Variants in HBEGF observed in about 807,000 individuals in gnomAD.
The protein encoded by HBEGF is heparin binding EGF like growth factor.
A neutral mutation model predicts 19.5 loss-of-function variants in HBEGF; 8 were observed. The ratio of observed to expected loss-of-function variants is 0.41; its 90% CI spans 0.24 to 0.74. HBEGF has a LOEUF of 0.74. Among genes scored for constraint, HBEGF ranks in the 30% least tolerant of loss-of-function variants. HBEGF has a pLI of 0.32. For missense variants in HBEGF, 207 were observed against 256.9 expected, an observed-to-expected ratio of 0.81 and a Z score of 1.33; for synonymous variants, 97 against 108.9, an observed-to-expected ratio of 0.89 and a Z score of 0.68.
Position 140,342,774 on chromosome 5 carries a change from T to C in HBEGF, c.259A>G (p.Asn87Asp), listed in dbSNP as rs975066096. 2 of 1,614,188 alleles carry C rather than the reference T, an allele frequency of 1.2e-6. No individual in the cohort carries two copies. Among genetic ancestry groups the C allele is most frequent in the Non-Finnish European group, 1.7e-6 (2 of 1,180,028 alleles). The change falls in exon 3 of 6, where the codon AAC becomes GAC. Residue 87 changes from asparagine to aspartate, a missense_variant. By Grantham distance (23) the Asn-to-Asp change is conservative. Around this residue, in one of 3 missense-constraint regions of HBEGF, gnomAD observed 127 missense variants for 132.7 expected, o/e 0.96. Coordinates refer to ENST00000230990, the MANE Select transcript of HBEGF (RefSeq NM_001945.3). ...TTTCTTTTCCCGTGCTCCTCCTTGT[T>C]TGGTGTGGCCAGTGCTTGTGGCTTG... ...SSKPQALATPNKEEHGKRKKK... is the reference protein window; with the variant it reads ...SSKPQALATPDKEEHGKRKKK...
At chr5:140,342,894 T>A in intron 2 of HBEGF, 82 bp from the exon 3 acceptor site, 1 of 1,405,158 alleles carries the variant, frequency 7.1e-7, no homozygotes, top group Non-Finnish European at 1.0e-6. Context: ...GGAGTATATA[T>A]GCTTTGATTC....
intron 3 of HBEGF, among the ~76,000 whole-genome samples, chr5:140,339,172 G>A (rs910243991): frequency 6.6e-6 from 1 of 152,128 alleles, no homozygotes; most frequent in Non-Finnish European, 1.5e-5. Flanking sequence ...TGAGGAATGG[G>A]GCACCCAAGT....
At chr5:140,336,573 G>A (rs892727740) in intron 3 of HBEGF, among the ~76,000 whole-genome samples, 3 of 152,186 alleles carry the variant, frequency 2.0e-5, no homozygotes, top group African/African-American at 2.4e-5. Flanking sequence ...GCCAGGAGTC[G>A]TTTTTCTCAA....
chr5:140,338,139 T>C (rs1206612375), intron 3 of HBEGF, among the ~76,000 whole-genome samples: 1 of 152,224 alleles, frequency 6.6e-6, no homozygotes, highest in Non-Finnish European at 1.5e-5. Flanking sequence ...AGGAAGCATA[T>C]CTGATAGGCT....
intron 4 of HBEGF, 99 bp from the exon 5 acceptor site, chr5:140,334,847 T>C: frequency 1.0e-6 from 1 of 991,192 alleles, no homozygotes. Context: ...TGGTTTCCTC[T>C]ACTACTTGGA....
rs111437230 is a variant in HBEGF at position 140,335,833 on chromosome 5, G to A, written c.554+39C>T. The stretch of plus-strand genomic sequence containing the variant: ...GCCCAGGAGGAGGAAGAAAGGGAGT[G>A]ATTTGCAGAAACAGCCTGCAGGGGA... On this transcript the variant is annotated intron_variant, in intron 4 of 5. Transcript: ENST00000230990. The A allele has an allele frequency of 3.5e-5, 56 of 1,605,580 alleles. No individual in the cohort carries two copies. In the African/African-American group the frequency reaches 3.7e-4, roughly 11 times the overall value.
intron 3 of HBEGF, among the ~76,000 whole-genome samples, chr5:140,338,528 T>C (rs1019041324): frequency 1.3e-5 from 2 of 152,184 alleles, no homozygotes; most frequent in South Asian, 2.1e-4. Context: ...AGGTAGTTAC[T>C]CAGAAGATAG....
chr5:140,339,200 A>G (rs1450951528), intron 3 of HBEGF, among the ~76,000 whole-genome samples: 1 of 152,154 alleles, frequency 6.6e-6, no homozygotes, highest in Non-Finnish European at 1.5e-5. Flanking sequence ...AGACAAGAGA[A>G]GCGGGATCAC....
rs138811385 is a variant in HBEGF at position 140,334,652 on chromosome 5, C to T, written c.*18+6G>A. On this transcript the variant is annotated splice_donor_region_variant and intron_variant, in intron 5 of 5. Coordinates refer to ENST00000230990, the MANE Select transcript of HBEGF (RefSeq NM_001945.3). Reference sequence around the variant, plus strand: ...TCATGTCATGGGGCAAAGGATGGAGCGTTACCTTGAGCACAAGTCTCTCTC... The same window carrying T: ...TCATGTCATGGGGCAAAGGATGGAGTGTTACCTTGAGCACAAGTCTCTCTC... 122 of 1,572,688 alleles carry T rather than the reference C, an allele frequency of 7.8e-5. 1 individual carries two copies. The African/African-American group carries it at 1.0e-3, about 13-fold the overall frequency.
rs1377610614 is a variant in HBEGF, at chr5:140,333,090, C to T, written c.*1209G>A. ...AGCTCCAATGTTCCCTGTTCCTTCT[C>T]AGCCTTTTGCTTTGCTAATACCTTC... On this transcript the variant is annotated 3_prime_UTR_variant, in exon 6 of 6. Coordinates refer to ENST00000230990, the MANE Select transcript of HBEGF (RefSeq NM_001945.3). 4 of 152,694 alleles carry T rather than the reference C, an allele frequency of 2.6e-5. No homozygotes were observed. Among genetic ancestry groups the T allele is most frequent in the Non-Finnish European group, 5.9e-5 (4 of 68,062 alleles). The allele number at this position is 152,694 out of a possible 1,614,324, so 9.5% of individuals were successfully genotyped here.
intron 2 of HBEGF, among the ~76,000 whole-genome samples, chr5:140,344,339 C>T (rs550567289): frequency 6.6e-6 from 1 of 152,258 alleles, no homozygotes; most frequent in African/African-American, 2.4e-5. Context: ...CATGAATGGG[C>T]TCTGAAGTCC....
intron 5 of HBEGF, 110 bp downstream of exon 5, chr5:140,334,548 A>T (rs1279716279): frequency 2.3e-5 from 18 of 772,646 alleles, no homozygotes; most frequent in Non-Finnish European, 4.2e-5. Context: ...TATTAATGTC[A>T]CAGTAGCCTG....
intron 4 of HBEGF, 115 bp downstream of exon 4, chr5:140,335,757 G>T: frequency 8.9e-7 from 1 of 1,125,598 alleles, no homozygotes. Flanking sequence ...CCCGGAGCTA[G>T]CCCATGATTT....
chr5:140,334,992 A>G, intron 4 of HBEGF: 1 of 566,442 alleles, frequency 1.8e-6, no homozygotes, highest in East Asian at 3.0e-5. Context: ...CATCCTTATG[A>G]GGTAGATGGA....
chr5:140,344,635 T>A (rs1037293685), intron 2 of HBEGF, among the ~76,000 whole-genome samples: 1 of 151,942 alleles, frequency 6.6e-6, no homozygotes, highest in African/African-American at 2.4e-5. Context: ...GCCCCCACAG[T>A]CTTTCATTTC....
chr5:140,335,575 G>A (rs1054087161), intron 4 of HBEGF, among the ~76,000 whole-genome samples: 3 of 152,022 alleles, frequency 2.0e-5, no homozygotes, highest in African/African-American at 7.3e-5. Flanking sequence ...GAACAGCCAG[G>A]AGAAAGAAAT....
chr5:140,341,681 G>A (rs1391893594), intron 3 of HBEGF, among the ~76,000 whole-genome samples: 2 of 152,214 alleles, frequency 1.3e-5, no homozygotes, highest in African/African-American at 4.8e-5. Context: ...ACAGGCTGGA[G>A]GCAGTGTGCA....
chr5:140,336,017 C>G lies in HBEGF; in HGVS notation c.409G>C (p.Gly137Arg). The change falls in exon 4 of 6, where the codon GGT becomes CGT. Residue 137 changes from glycine (G) to arginine (R), a missense_variant. By Grantham distance (125) the Gly-to-Arg change is moderately radical. Around this residue, in one of 3 missense-constraint regions of HBEGF, gnomAD observed 77 missense variants for 106.9 expected, o/e 0.72. Transcript: ENST00000230990. ...CCATGACACCTCTCTCCATGGTAAC[C>G]CGGGTGGCAGCTAGTTCAAGACAGA... ...LRAPSCICHP[G>R]YHGERCHGLS... 1.2e-6 allele frequency: 2 copies of G among 1,613,894 alleles called. No individual in the cohort carries two copies. Among genetic ancestry groups the G allele is most frequent in the Non-Finnish European group, 1.7e-6 (2 of 1,179,934 alleles).
At chr5:140,340,582 C>CAAAAAAAAAAA (rs61489261) in intron 3 of HBEGF, among the ~76,000 whole-genome samples, 20 of 59,838 alleles carry the variant, frequency 3.3e-4, no homozygotes, top group Non-Finnish European at 4.9e-4. Flanking sequence ...GACTCTGTCT[C>CAAAAAAAAAAA]AAAAAAAAAA....
Sources: allele counts gnomAD v4.1 joint callset (sites outside exome capture counted in the v4.1 genomes callset), GRCh38; gene constraint gnomAD v4.1.1; regional missense constraint gnomAD v4.1.1; transcripts MANE v1.5; gene names NCBI Gene and HGNC (gene_info 2026-07-23, HGNC 2026-07-21).